Variants in PLEKHA8 observed in about 807,000 individuals in gnomAD.
PLEKHA8 encodes pleckstrin homology domain containing A8.
A neutral mutation model predicts 68.2 loss-of-function variants in PLEKHA8; 36 were observed. The ratio of observed to expected loss-of-function variants is 0.53; its 90% CI spans 0.40 to 0.70. PLEKHA8 has a LOEUF of 0.70. Among genes scored for constraint, PLEKHA8 ranks in the 30% least tolerant of loss-of-function variants. The pLI is 0.00. For missense variants in PLEKHA8, 505 were observed against 615.4 expected, an observed-to-expected ratio of 0.82 and a Z score of 1.90; for synonymous variants, 211 against 216.1, an observed-to-expected ratio of 0.98 and a Z score of 0.20.
At chr7:30,049,917 A>G (rs1792274710) in intron 5 of PLEKHA8, among the ~76,000 whole-genome samples, 1 of 152,160 alleles carries the variant, frequency 6.6e-6, no homozygotes, top group South Asian at 2.1e-4. Context: ...TCTTTCCTGG[A>G]TTAGCTCATA....
In PLEKHA8 at chr7:30,049,376, C is replaced by T; in HGVS notation, c.591C>T (p.Ser197=). 2 of 1,613,692 alleles carry T rather than the reference C, an allele frequency of 1.2e-6. No homozygotes were observed. Among genetic ancestry groups the T allele is most frequent in the Non-Finnish European group, 1.7e-6 (2 of 1,179,748 alleles). Residue 197 remains serine (S), a synonymous_variant, in exon 5 of 14, where the codon TCC becomes TCT. Transcript: ENST00000449726. ...PGSPQLAMLK[S]SKMKHPIIPI... is the part of the protein sequence containing the mutation. ...CACCTCAGCTGGCCATGCTCAAGTC[C>T]AGCAAGGTAAAAGTCCAGCTCAGTT... is the stretch of plus-strand genomic sequence containing the variant.
At chr7:30,112,096 A>T (rs886771458) in intron 13 of PLEKHA8, among the ~76,000 whole-genome samples, 1 of 152,236 alleles carries the variant, frequency 6.6e-6, no homozygotes, top group African/African-American at 2.4e-5. Flanking sequence ...GACAAAAAAG[A>T]CTTAAAAAGT....
intron 13 of PLEKHA8, among the ~76,000 whole-genome samples, chr7:30,122,084 G>T (rs1451776544): frequency 6.6e-6 from 1 of 152,236 alleles, no homozygotes; most frequent in East Asian, 1.9e-4. Context: ...GAATGTCAGT[G>T]TGAAACTTTT....
chr7:30,089,095 G>T (rs1017524604), downstream of PLEKHA8, among the ~76,000 whole-genome samples: 1 of 152,118 alleles, frequency 6.6e-6, no homozygotes, highest in South Asian at 2.1e-4. Context: ...AGGACTTAAC[G>T]CAAGTATCAG....
intron 13 of PLEKHA8, among the ~76,000 whole-genome samples, chr7:30,103,919 A>G (rs1310698674): frequency 6.6e-6 from 1 of 152,246 alleles, no homozygotes; most frequent in Non-Finnish European, 1.5e-5. Context: ...CACAAAAAAT[A>G]CAAGCCATAG....
rs373979646 is a variant in PLEKHA8 at position 30,061,960 on chromosome 7, C to T, written c.1162C>T (p.His388Tyr). ...TACCACTCTCCAGAAGATAGTGCTG[C>T]ACGAAGTGGAGGCGGATGTAGCCCA... The part of the protein sequence containing the change: ...EFTTLQKIVL[H>Y]EVEADVAQVR... Residue 388 changes from histidine to tyrosine, a missense_variant, in exon 11 of 14, where the codon CAC (histidine) becomes TAC (tyrosine). By Grantham distance (83) the His-to-Tyr change is moderately conservative. Transcript: ENST00000449726. 23 of 1,613,964 alleles carry T rather than the reference C, an allele frequency of 1.4e-5. No homozygotes were observed. Among genetic ancestry groups the T allele is most frequent in the Admixed American group, 3.3e-5 (2 of 59,994 alleles).
downstream of PLEKHA8, chr7:30,130,112 A>G (rs1271095029): frequency 2.0e-5 from 3 of 152,198 alleles, no homozygotes; most frequent in African/African-American, 4.8e-5. Flanking sequence ...GAAATCCCAC[A>G]TCTTCGTAGG....
chr7:30,081,818 C>G lies in PLEKHA8; in HGVS notation c.*3031C>G, dbSNP rs1794946149. 1 of 985,266 alleles carries G rather than the reference C, an allele frequency of 1.0e-6. No individual in the cohort carries two copies. Among genetic ancestry groups the G allele is most frequent in the South Asian group, 4.7e-5 (1 of 21,296 alleles). The allele number at this position is 985,266 out of a possible 1,614,324, so 61.0% of individuals were successfully genotyped here. A position where few individuals can be genotyped will look rare whatever the true frequency, so the allele number is the denominator to read the frequency against. On this transcript the variant is annotated 3_prime_UTR_variant, in exon 14 of 14. Transcript: ENST00000449726. Reference sequence around the variant, plus strand: ...TCCACACAATTTCATCGTGCCTGTACTTTTCTCTATGGTAAAAGCCAGTGT... The same window carrying G: ...TCCACACAATTTCATCGTGCCTGTAGTTTTCTCTATGGTAAAAGCCAGTGT...
At chr7:30,094,617 C>T (rs1013969084), downstream of PLEKHA8, among the ~76,000 whole-genome samples, 11 of 151,550 alleles carry the variant, frequency 7.3e-5, no homozygotes, top group African/African-American at 2.7e-4. Context: ...CACCCATTAA[C>T]TCATTTAGCA....
intron 1 of PLEKHA8, among the ~76,000 whole-genome samples, chr7:30,034,950 T>C (rs573524562): frequency 6.6e-6 from 1 of 152,370 alleles, no homozygotes; most frequent in South Asian, 2.1e-4. Flanking sequence ...CATGAAGATT[T>C]ACCCTTAAGG....
rs141944960 is a variant in PLEKHA8 at position 30,060,781 on chromosome 7, T to C, written c.1040-103T>C. On this transcript the variant is annotated intron_variant, in intron 9 of 13. Transcript: ENST00000449726. ...TAGATAAATGATTTGGAAGCAAAAA[T>C]TAAAGTTGTTGGGGATCTGCTAAAT... The C allele has an allele frequency of 2.3e-4, 207 of 894,196 alleles. No homozygotes were observed. In the African/African-American group the frequency reaches 3.3e-3, roughly 14 times the overall value. The allele number at this position is 894,196 out of a possible 1,614,324, so 55.4% of individuals were successfully genotyped here.
chr7:30,108,067 C>CAAAA (rs796801365), intron 13 of PLEKHA8, among the ~76,000 whole-genome samples: 1 of 52,794 alleles, frequency 1.9e-5, no homozygotes, highest in African/African-American at 7.3e-5. Context: ...AACTCCATCT[C>CAAAA]AAAAAAAAAA....
At chr7:30,104,412 CTG>C (rs1583472567) in intron 13 of PLEKHA8, among the ~76,000 whole-genome samples, 1 of 152,284 alleles carries the variant, frequency 6.6e-6, no homozygotes, top group East Asian at 1.9e-4. Context: ...GATAGGCAAA[CTG>C]TGGTTTGTCT....
chr7:30,101,419 C>T (rs1196841322), intron 13 of PLEKHA8, among the ~76,000 whole-genome samples: 1 of 103,094 alleles, frequency 9.7e-6, no homozygotes, highest in Non-Finnish European at 2.1e-5. Context: ...CAGCATGGTG[C>T]CAGAAACCGT....
At chr7:30,052,640 CAAAAAAA>C (rs75714651) in intron 6 of PLEKHA8, 62 bp from the exon 7 acceptor site, 341 of 1,066,494 alleles carry the variant, frequency 3.2e-4, no homozygotes, top group Admixed American at 6.6e-4. Flanking sequence ...GACCCTGTTT[CAAAAAAA>C]AAAAAAAAAA....
chr7:30,098,932 G>A (rs1321809860), intron 13 of PLEKHA8, among the ~76,000 whole-genome samples: 1 of 152,196 alleles, frequency 6.6e-6, no homozygotes, highest in African/African-American at 2.4e-5. Context: ...GTAGACTGGA[G>A]CTGTTCCTAT....
At position 30,079,544 on chromosome 7, in the gene PLEKHA8, A is replaced by C; in HGVS notation, c.*757A>C. 61 of 932,662 alleles carry C rather than the reference A, an allele frequency of 6.5e-5. No homozygotes were observed. Among genetic ancestry groups the C allele is most frequent in the African/African-American group, 8.9e-5 (5 of 56,106 alleles). The allele number at this position is 932,662 out of a possible 1,614,324, so 57.8% of individuals were successfully genotyped here. ...CAGCATGTTCCCCATGCATTATCTC[A>C]ATTGGACATCACAAGTAATGATACC... On this transcript the variant is annotated 3_prime_UTR_variant, in exon 14 of 14. Transcript: ENST00000449726.
chr7:30,081,201 G>C lies in PLEKHA8; in HGVS notation c.*2414G>C. On this transcript the variant is annotated 3_prime_UTR_variant, in exon 14 of 14. Transcript: ENST00000449726. ...AGATCAGACAGAATAGCTTGAATAA[G>C]TTACATTTTCCAATTACCCTTTTTC... 3 of 985,334 alleles carry C rather than the reference G, an allele frequency of 3.0e-6. No individual in the cohort carries two copies. The highest frequency in any genetic ancestry group is 3.6e-6 in the Non-Finnish European group (3 of 829,900). The allele number at this position is 985,334 out of a possible 1,614,324, so 61.0% of individuals were successfully genotyped here.
In PLEKHA8 at chr7:30,060,558, C is replaced by T. The variant is rs539147260; in HGVS notation, c.1040-326C>T. Among the ~76,000 whole-genome samples the T allele has an allele frequency of 1.2e-4, 18 of 152,310 alleles. No homozygotes were observed. In the South Asian group the frequency reaches 1.2e-3, roughly 11 times the overall value. ...AGTACATTTTGGTTAGTACTAGCCA[C>T]GCTGCAAGTACTAACTAGCCACATA... On this transcript the variant is annotated intron_variant, in intron 9 of 13. Transcript: ENST00000449726.
Sources: gnomAD v4.1 joint callset for allele counts (sites outside exome capture counted in the v4.1 genomes callset) on GRCh38, gnomAD v4.1.1 for gene constraint, MANE v1.5 for transcripts, NCBI Gene and HGNC (gene_info 2026-07-23, HGNC 2026-07-21) for gene names.